The following GASK1B variants were observed in gnomAD, a reference collection of about 807,000 sequenced individuals.
The protein encoded by GASK1B is golgi associated kinase 1B.
In GASK1B, 34 loss-of-function variants were observed where a neutral mutation model predicts 42.8. The observed-to-expected ratio is 0.79, with a 90% CI of 0.60 to 1.06. The LOEUF (loss-of-function observed/expected upper bound fraction) is 1.06, where lower values mean the gene tolerates loss of function less well. Ranked by LOEUF, GASK1B falls within the 50% of genes least tolerant of loss-of-function variation. The pLI, the probability that GASK1B is intolerant of heterozygous loss-of-function variation, is 0.00. For synonymous variants in GASK1B, 262 were observed against 259.1 expected (o/e 1.01, Z -0.11); for missense variants, 686 against 661.0 (o/e 1.04, Z -0.42).
intron 2 of GASK1B, 151 bp downstream of exon 2, chr4:158,170,315 C>A (rs1199076617): frequency 6.2e-7 from 1 of 1,614,184 alleles, no homozygotes; most frequent in Non-Finnish European, 8.5e-7. Context: ...ATAAAGAATG[C>A]CAAGCGCATG....
chr4:158,169,183 T>C (rs1326434991), intron 2 of GASK1B: 2 of 152,204 alleles, frequency 1.3e-5, no homozygotes, highest in Non-Finnish European at 2.9e-5. Context: ...ATGAATCAAT[T>C]TGTATAATCC....
Position 158,170,758 on chromosome 4 carries a change from C to A in GASK1B, c.618G>T (p.Arg206Ser). The A allele has an allele frequency of 6.2e-7, 1 of 1,614,226 alleles. No homozygotes were observed. Among genetic ancestry groups the A allele is most frequent in the South Asian group, 1.1e-5 (1 of 91,084 alleles). Residue 206 changes from arginine (R) to serine (S), a missense_variant, in exon 2 of 5, where the codon AGG (arginine) becomes AGT (serine). Physicochemically the swap from Arg to Ser is moderately radical, Grantham distance 110. Transcript: ENST00000585682. Reference sequence around the variant, plus strand: ...AGGAGGGGGCGCTCTCGCTGTAGATCCTAATGTTGCTCTCCCTGGAGCTGG... The same window carrying A: ...AGGAGGGGGCGCTCTCGCTGTAGATACTAATGTTGCTCTCCCTGGAGCTGG... ...LQPSSRESNIRIYSESAPSWL... is the reference protein window; with the variant it reads ...LQPSSRESNISIYSESAPSWL...
Position 158,125,401 on chromosome 4 carries a change from A to C in GASK1B, c.*2006T>G, listed in dbSNP as rs948578645. ...ACCATCAATATGATAAATTTGGATA[A>C]AGATGGTAAAAAAAAAAAAATGTTT... On this transcript the variant is annotated 3_prime_UTR_variant, in exon 5 of 5. Transcript: ENST00000585682. 2 of 113,098 alleles carry C rather than the reference A, an allele frequency of 1.8e-5. No homozygotes were observed. The highest frequency in any genetic ancestry group is 4.0e-5 in the Non-Finnish European group (2 of 50,468). 7.0% of individuals were successfully genotyped at this position (113,098 alleles called of 1,614,324 possible). A position where few individuals can be genotyped will look rare whatever the true frequency, so the allele number is the denominator to read the frequency against.
intron 3 of GASK1B, among the ~76,000 whole-genome samples, chr4:158,147,339 G>A (rs1382593301): frequency 6.6e-6 from 1 of 152,008 alleles, no homozygotes; most frequent in Admixed American, 6.6e-5. Flanking sequence ...GGTGACTCAT[G>A]CCTGTAATCC....
chr4:158,140,767 A>G (rs2110952957), intron 3 of GASK1B, among the ~76,000 whole-genome samples: 1 of 152,366 alleles, frequency 6.6e-6, no homozygotes, highest in South Asian at 2.1e-4. Flanking sequence ...GAAATCACAC[A>G]GGCTTCCTCA....
At chr4:158,154,246 G>A (rs547413587) in intron 3 of GASK1B, among the ~76,000 whole-genome samples, 1 of 151,084 alleles carries the variant, frequency 6.6e-6, no homozygotes, top group African/African-American at 2.4e-5. Flanking sequence ...ATATACAAAT[G>A]GTCAACAAAC....
At chr4:158,159,667 G>GC in intron 2 of GASK1B, 1 of 226,768 alleles carries the variant, frequency 4.4e-6, no homozygotes. Context: ...AGATATGTGG[G>GC]TGTTCATGTG....
At chr4:158,142,858 T>C (rs916371540) in intron 3 of GASK1B, among the ~76,000 whole-genome samples, 1 of 152,170 alleles carries the variant, frequency 6.6e-6, no homozygotes, top group African/African-American at 2.4e-5. Context: ...GAGTGTGAAC[T>C]CTACAAAACA....
At chr4:158,137,991 G>T (rs1044561854) in intron 3 of GASK1B, among the ~76,000 whole-genome samples, 1 of 152,142 alleles carries the variant, frequency 6.6e-6, no homozygotes, top group Non-Finnish European at 1.5e-5. Flanking sequence ...AGAATTCCAT[G>T]TTTAAAAATA....
intron 3 of GASK1B, among the ~76,000 whole-genome samples, chr4:158,135,475 T>A (rs1730853372): frequency 6.6e-6 from 1 of 152,024 alleles, no homozygotes; most frequent in Non-Finnish European, 1.5e-5. Context: ...CATGTATTAT[T>A]TCATTTAATC....
rs1028435705 is a variant in GASK1B, at chr4:158,147,431, C to T, written c.1125+8180G>A. On this transcript the variant is annotated intron_variant, in intron 3 of 4. Coordinates refer to ENST00000585682, the MANE Select transcript of GASK1B (RefSeq NM_001128424.2). ...CCAGCCTGGGCCACATAGTGAGACT[C>T]CGTCTCTATTGAAAATCAAAAAGTT... is the stretch of plus-strand genomic sequence containing the variant. Among the ~76,000 whole-genome samples, 9 of 152,034 alleles carry T rather than the reference C, an allele frequency of 5.9e-5. No homozygotes were observed. The South Asian group carries it at 1.7e-3, about 28-fold the overall frequency.
intron 4 of GASK1B, among the ~76,000 whole-genome samples, chr4:158,128,381 T>C (rs1328518343): frequency 6.6e-6 from 1 of 152,184 alleles, no homozygotes; most frequent in Non-Finnish European, 1.5e-5. Flanking sequence ...CTTGCTTTTC[T>C]TCGTTTAGAA....
intron 2 of GASK1B, among the ~76,000 whole-genome samples, chr4:158,165,805 C>T (rs575125289): frequency 1.3e-3 from 201 of 152,146 alleles, no homozygotes; most frequent in Middle Eastern, 3.4e-3. Context: ...AGGTAGGTGA[C>T]GTAGGGCACA....
chr4:158,162,478 C>T (rs535366328), intron 2 of GASK1B, among the ~76,000 whole-genome samples: 4 of 152,126 alleles, frequency 2.6e-5, no homozygotes, highest in Non-Finnish European at 4.4e-5. Context: ...GGTCCATGGA[C>T]CCAGAATAAA....
rs201973004 is a variant in GASK1B, at chr4:158,170,777, G to C, written c.599C>G (p.Ser200Cys). The C allele has an allele frequency of 6.8e-6, 11 of 1,614,214 alleles. No individual in the cohort carries two copies. In the East Asian group the frequency reaches 1.6e-4, roughly 23 times the overall value. ...GTAGATCCTAATGTTGCTCTCCCTG[G>C]AGCTGGGCTGCAGGAAGTCTGGGCC... ...AGGPDFLQPS[S>C]RESNIRIYSE... The change falls in exon 2 of 5, where the codon TCC becomes TGC. Residue 200 changes from serine (S) to cysteine (C), a missense_variant. By Grantham distance (112) the Ser-to-Cys change is moderately radical. Transcript: ENST00000585682.
chr4:158,125,813 C>T lies in GASK1B; in HGVS notation c.*1594G>A, dbSNP rs1006980393. The stretch of plus-strand genomic sequence containing the variant: ...AGCTACAATTAGATTTTCAAATGAT[C>T]TCTCTCTCCTTGGTCCATCTTCTCT... On this transcript the variant is annotated 3_prime_UTR_variant, in exon 5 of 5. Transcript: ENST00000585682. The T allele has an allele frequency of 1.3e-5, 2 of 152,088 alleles. No homozygotes were observed. Among genetic ancestry groups the T allele is most frequent in the Non-Finnish European group, 2.9e-5 (2 of 67,988 alleles). The allele number at this position is 152,088 out of a possible 1,614,324, so 9.4% of individuals were successfully genotyped here. A position where few individuals can be genotyped will look rare whatever the true frequency, so the allele number is the denominator to read the frequency against.
At chr4:158,158,548 TATAA>T (rs1313925284) in intron 2 of GASK1B, among the ~76,000 whole-genome samples, 1 of 152,138 alleles carries the variant, frequency 6.6e-6, no homozygotes, top group African/African-American at 2.4e-5. Flanking sequence ...AATATTATAC[TATAA>T]ATATTTTGTT....
rs1469357498 is a variant in GASK1B, at chr4:158,127,565, T to C, written c.1402A>G (p.Lys468Glu). Residue 468 changes from lysine to glutamate, a missense_variant, in exon 5 of 5, where the codon AAA (lysine) becomes GAA (glutamate). Transcript: ENST00000585682. ...SVLKSQHLRQ[K>E]LLQSLFLDKV... ...TCAAGAAACAGAGACTGAAGAAGTT[T>C]CTGCCGTAAGTGCTGGCTCTTCAAA... is the stretch of plus-strand genomic sequence containing the variant. The C allele has an allele frequency of 6.2e-7, 1 of 1,613,620 alleles. No individual in the cohort carries two copies. The highest frequency in any genetic ancestry group is 1.3e-5 in the African/African-American group (1 of 74,908).
chr4:158,130,204 T>C (rs1579005472), intron 4 of GASK1B, among the ~76,000 whole-genome samples: 1 of 152,152 alleles, frequency 6.6e-6, no homozygotes, highest in East Asian at 1.9e-4. Context: ...GTTAGATACT[T>C]TTCCCCTTAA....
Sources: allele counts gnomAD v4.1 joint callset (sites outside exome capture counted in the v4.1 genomes callset), GRCh38; gene constraint gnomAD v4.1.1; transcripts MANE v1.5; gene names NCBI Gene and HGNC (gene_info 2026-07-23, HGNC 2026-07-21).